GLT8D2: variants seen among roughly 807,000 people sequenced by gnomAD.
GLT8D2 encodes glycosyltransferase 8 domain-containing protein 2.
A neutral mutation model predicts 44.5 loss-of-function variants in GLT8D2; 45 were observed. The observed-to-expected ratio is 1.01, with a 90% confidence interval of 0.80 to 1.30. The LOEUF is 1.30. Ranked by LOEUF, GLT8D2 falls within the 50% of genes most tolerant of loss-of-function variation. The pLI is 0.00. For synonymous variants in GLT8D2, 156 were observed against 157.2 expected, an observed-to-expected ratio of 0.99 and a Z score of 0.06; for missense variants, 400 against 430.4, an observed-to-expected ratio of 0.93 and a Z score of 0.62.
intron 1 of GLT8D2, among the ~76,000 whole-genome samples, chr12:104,021,933 GAAGA>G (rs1877794954): frequency 4.0e-5 from 1 of 24,822 alleles, no homozygotes; most frequent in East Asian, 1.9e-3. Context: ...AGAAGAAGAA[GAAGA>G]AGAAGAAGAA....
intron 1 of GLT8D2, among the ~76,000 whole-genome samples, chr12:104,024,992 C>T (rs1017211149): frequency 5.4e-5 from 8 of 149,008 alleles, no homozygotes; most frequent in African/African-American, 2.0e-4. Flanking sequence ...ATTGCCTGAA[C>T]CTGGGAGGTG....
intron 4 of GLT8D2, chr12:104,012,930 A>G (rs2136334771): frequency 3.2e-6 from 2 of 616,662 alleles, no homozygotes; most frequent in East Asian, 3.0e-5. Flanking sequence ...GGCCATCTGC[A>G]TGCCAAGGAG....
At chr12:104,002,133 A>C (rs1045264127) in intron 5 of GLT8D2, among the ~76,000 whole-genome samples, 29 of 151,646 alleles carry the variant, frequency 1.9e-4, no homozygotes, top group African/African-American at 6.8e-4. Context: ...TAATTTCTAA[A>C]ATTTTTAGTA....
At chr12:103,993,121 AG>A (rs760875489) in intron 10 of GLT8D2, among the ~76,000 whole-genome samples, 4 of 152,186 alleles carry the variant, frequency 2.6e-5, no homozygotes, top group Non-Finnish European at 5.9e-5. Context: ...ACCTAAGGTC[AG>A]GAGTTTGAGA....
In GLT8D2 at chr12:104,034,545, A is replaced by G. The variant is rs139229022; in HGVS notation, c.-163-13054T>C. Among the ~76,000 whole-genome samples, 1,204 of 152,356 alleles carry G rather than the reference A, an allele frequency of 7.9e-3. 18 individuals are homozygous for G. Among genetic ancestry groups the G allele is most frequent in the African/African-American group, 0.026 (1,102 of 41,588 alleles). On this transcript the variant is annotated intron_variant, in intron 1 of 10. Coordinates refer to ENST00000360814, the MANE Select transcript of GLT8D2 (RefSeq NM_001384711.1). ...ATGGAGCCTTGCTCACTGCTAGCGC[A>G]GCAGTCTGAGATCGACCTGCGAGGC...
chr12:104,041,302 T>C (rs145863391), intron 1 of GLT8D2, among the ~76,000 whole-genome samples: 8,603 of 152,280 alleles, frequency 0.056, 395 homozygotes, highest in East Asian at 0.2. Flanking sequence ...TAATCCCAGC[T>C]AGTCAGGAGG....
At chr12:103,993,355 T>C in intron 10 of GLT8D2, 37 bp downstream of exon 10, 2 of 1,466,362 alleles carry the variant, frequency 1.4e-6, no homozygotes, top group Non-Finnish European at 1.9e-6. Flanking sequence ...AAAATGGACA[T>C]TTGCGTTTTT....
At chr12:104,038,783 T>C (rs897118059) in intron 1 of GLT8D2, among the ~76,000 whole-genome samples, 25 of 152,070 alleles carry the variant, frequency 1.6e-4, no homozygotes, top group Non-Finnish European at 2.4e-4. Flanking sequence ...TTCACAGAAT[T>C]GGAAAAAAAT....
chr12:104,032,154 G>A (rs1282910032), intron 1 of GLT8D2, among the ~76,000 whole-genome samples: 1 of 149,236 alleles, frequency 6.7e-6, no homozygotes, highest in African/African-American at 2.5e-5. Flanking sequence ...TAACCCTTCT[G>A]GGGTTTCTTG....
chr12:103,996,869 A>C (rs376728289), intron 7 of GLT8D2, 22 bp from the exon 8 acceptor site: 2 of 1,538,276 alleles, frequency 1.3e-6, no homozygotes, highest in Admixed American at 3.4e-5. Context: ...AACACCACCA[A>C]GTAAAACATT....
At chr12:104,064,371 G>GGGCGGGGCT, upstream of GLT8D2, 1 of 484,952 alleles carries the variant, frequency 2.1e-6, no homozygotes, top group Middle Eastern at 5.4e-4. The surrounding 1 kb of genome is among the most constrained non-coding windows in gnomAD (Gnocchi z 7.3). Flanking sequence ...CCTGGGGTGG[G>GGGCGGGGCT]GGCGGGGCTC....
At chr12:104,044,334 G>A (rs1042806658) in intron 1 of GLT8D2, among the ~76,000 whole-genome samples, 29 of 152,246 alleles carry the variant, frequency 1.9e-4, no homozygotes, top group African/African-American at 7.0e-4. Context: ...CCGGTGTACT[G>A]GCTGCCATCC....
chr12:104,034,048 CTTAT>C lies in GLT8D2; in HGVS notation c.-163-12561_-163-12558del, dbSNP rs1879657195. 6.6e-5 allele frequency among the ~76,000 whole-genome samples: 10 copies of C among 152,166 alleles called. 1 individual carries two copies. In the South Asian group the frequency reaches 1.9e-3, roughly 28 times the overall value. On this transcript the variant is annotated intron_variant, in intron 1 of 10. Transcript: ENST00000360814. ...AGCTGAAGAAAGCAAACAAAAAACT[CTTAT>C]TTGAGAACTAATATTTGATAAAATG...
At chr12:103,991,248 A>T (rs1872712119) in intron 10 of GLT8D2, among the ~76,000 whole-genome samples, 1 of 152,090 alleles carries the variant, frequency 6.6e-6, no homozygotes, top group Non-Finnish European at 1.5e-5. Flanking sequence ...GTGCAGTGGC[A>T]TGATTTCTGC....
intron 4 of GLT8D2, chr12:104,014,265 G>C: frequency 1.4e-6 from 1 of 700,400 alleles, no homozygotes; most frequent in Non-Finnish European, 2.6e-6. Context: ...TGAGGCCGGA[G>C]GATTGCTTGA....
intron 10 of GLT8D2, among the ~76,000 whole-genome samples, chr12:103,990,735 A>G (rs1030788704): frequency 1.3e-5 from 2 of 152,186 alleles, no homozygotes; most frequent in African/African-American, 2.4e-5. Flanking sequence ...GTTTGAAACT[A>G]TCGCAGCATA....
At chr12:104,012,736 C>G in intron 4 of GLT8D2, 1 of 678,446 alleles carries the variant, frequency 1.5e-6, no homozygotes, top group Admixed American at 2.2e-5. Context: ...TCCAGCATCT[C>G]AGGATGTCCA....
chr12:104,009,269 G>A (rs1018193862), intron 4 of GLT8D2, among the ~76,000 whole-genome samples: 19 of 152,340 alleles, frequency 1.2e-4, no homozygotes, highest in Admixed American at 5.9e-4. Flanking sequence ...GGGAACCCAC[G>A]TCTTGCATCA....
chr12:104,030,067 C>A (rs1397438730), intron 1 of GLT8D2, among the ~76,000 whole-genome samples: 1 of 152,008 alleles, frequency 6.6e-6, no homozygotes, highest in Non-Finnish European at 1.5e-5. Context: ...CTGAAGGCAT[C>A]ACATTTCCTA....
Sources: allele counts gnomAD v4.1 joint callset (sites outside exome capture counted in the v4.1 genomes callset), GRCh38; gene constraint gnomAD v4.1.1; non-coding constraint Gnocchi (gnomAD v3.1); transcripts MANE v1.5; gene names NCBI Gene and HGNC (gene_info 2026-07-23, HGNC 2026-07-21).